MASP1: variants seen among roughly 807,000 people sequenced by gnomAD.
MASP1 encodes the protein mannan-binding lectin serine protease 1.
MASP1 carries 59 observed loss-of-function variants against 77.1 expected under a neutral mutation model. The ratio of observed to expected loss-of-function variants is 0.77; its 90% confidence interval spans 0.62 to 0.95. The LOEUF is 0.95. Ranked by LOEUF, MASP1 falls within the 40% of genes least tolerant of loss-of-function variation. The pLI is 0.00. For synonymous variants in MASP1, 362 were observed against 354.5 expected, an observed-to-expected ratio of 1.02 and a Z score of -0.24; for missense variants, 885 against 912.9, an observed-to-expected ratio of 0.97 and a Z score of 0.39.
At chr3:187,229,873 C>T (rs754485637), downstream of MASP1, 41 of 1,613,926 alleles carry the variant, frequency 2.5e-5, no homozygotes, top group East Asian at 3.3e-4. Context: ...CATCAGCTTC[C>T]GGGAGAACTT....
exon 16 of MASP1, chr3:187,220,231 C>A: frequency 6.2e-7 from 1 of 1,614,134 alleles, no homozygotes; most frequent in Non-Finnish European, 8.5e-7. Context: ...CATGGGGCCT[C>A]CAGAGTCACC....
chr3:187,246,938 C>T (rs1714132711), intron 8 of MASP1: 2 of 1,073,964 alleles, frequency 1.9e-6, no homozygotes, highest in Admixed American at 4.8e-5. Flanking sequence ...TTCATTTAAA[C>T]TTGACATGTA....
intron 8 of MASP1, among the ~76,000 whole-genome samples, chr3:187,245,902 C>A (rs1289555069): frequency 1.3e-5 from 2 of 152,222 alleles, no homozygotes. Context: ...TCCAAGTGTG[C>A]TTTGCTGTAC....
At position 187,288,317 on chromosome 3, in the gene MASP1, G is replaced by A. The variant is rs191980601; in HGVS notation, c.6-2261C>T. ...AGCTGAGTCAAAAAACCAGGTGGCAGGGCCCAGGCATCCCATTTTCAAGTG... is the reference window on the plus strand; with the variant it reads ...AGCTGAGTCAAAAAACCAGGTGGCAAGGCCCAGGCATCCCATTTTCAAGTG... On this transcript the variant is annotated intron_variant, in intron 1 of 10. Coordinates refer to ENST00000296280, the MANE Select transcript of MASP1 (RefSeq NM_139125.4). Among the ~76,000 whole-genome samples, 698 of 152,304 alleles carry A rather than the reference G, an allele frequency of 4.6e-3. 22 individuals are homozygous for A. Among genetic ancestry groups the A allele is most frequent in the Admixed American group, 0.044 (676 of 15,296 alleles).
chr3:187,230,987 A>G (rs1712734496), downstream of MASP1, among the ~76,000 whole-genome samples: 1 of 152,186 alleles, frequency 6.6e-6, no homozygotes, highest in South Asian at 2.1e-4. Flanking sequence ...TCACAGATAA[A>G]TGCTCTGCAT....
chr3:187,271,835 T>C (rs1716550071), intron 2 of MASP1, among the ~76,000 whole-genome samples: 1 of 152,126 alleles, frequency 6.6e-6, no homozygotes, highest in Non-Finnish European at 1.5e-5. Context: ...TCCCCCCTTG[T>C]CTTCCCTTCA....
chr3:187,239,374 T>C (rs903107844), intron 10 of MASP1, among the ~76,000 whole-genome samples: 1 of 152,028 alleles, frequency 6.6e-6, no homozygotes, highest in Admixed American at 6.6e-5. Flanking sequence ...CAGAATATCA[T>C]AGGTCTCTTG....
Position 187,289,572 on chromosome 3 carries a change from T to A in MASP1, c.5+2056A>T, listed in dbSNP as rs188537392. Among the ~76,000 whole-genome samples the A allele has an allele frequency of 6.6e-4, 101 of 152,276 alleles. 1 individual carries two copies. The highest frequency in any genetic ancestry group is 2.2e-3 in the African/African-American group (90 of 41,536). On this transcript the variant is annotated intron_variant, in intron 1 of 10. Coordinates refer to ENST00000296280, the MANE Select transcript of MASP1 (RefSeq NM_139125.4). ...AAAACCCATGGCTTTACGTAAAAAATTTAAAAATATTAATGCCAAAGTCCC... is the reference window on the plus strand; with the variant it reads ...AAAACCCATGGCTTTACGTAAAAAAATTAAAAATATTAATGCCAAAGTCCC...
At chr3:187,242,057 T>C (rs1334388687) in intron 9 of MASP1, 1 of 172,260 alleles carries the variant, frequency 5.8e-6, no homozygotes, top group Non-Finnish European at 1.2e-5. Context: ...TCCGCCTCAC[T>C]TGTCACAAAG....
At chr3:187,273,379 A>C (rs962046125) in intron 2 of MASP1, among the ~76,000 whole-genome samples, 2 of 152,108 alleles carry the variant, frequency 1.3e-5, no homozygotes, top group African/African-American at 4.8e-5. Flanking sequence ...TCAAAAGGGT[A>C]CTCTTAAGTT....
In MASP1 at chr3:187,241,561, T is replaced by C; in HGVS notation, c.1229-6A>G. On this transcript the variant is annotated splice_region_variant and splice_polypyrimidine_tract_variant and intron_variant, in intron 9 of 10. Transcript: ENST00000296280. ...GGCAGAACAGGTATATATACCTGGA[T>C]TAGTGAAAGAGGTTAGGAGAGGAGG... 6.3e-7 allele frequency: 1 copy of C among 1,593,460 alleles called. No individual in the cohort carries two copies. Among genetic ancestry groups the C allele is most frequent in the Non-Finnish European group, 8.6e-7 (1 of 1,161,216 alleles).
chr3:187,279,933 G>A (rs916031564), intron 2 of MASP1, among the ~76,000 whole-genome samples: 1 of 152,134 alleles, frequency 6.6e-6, no homozygotes, highest in Non-Finnish European at 1.5e-5. Flanking sequence ...ATTCCTTGAG[G>A]ACTTTATAGT....
exon 16 of MASP1, chr3:187,218,044 A>G (rs1452567289): frequency 6.6e-6 from 1 of 152,304 alleles, no homozygotes; most frequent in East Asian, 1.9e-4. Context: ...TTCTCCCTCC[A>G]TGTGGAAGGC....
intron 8 of MASP1, chr3:187,247,286 G>C: frequency 6.2e-7 from 1 of 1,613,992 alleles, no homozygotes; most frequent in Non-Finnish European, 8.5e-7. Flanking sequence ...CAGGGGTCTT[G>C]GGAGTGATCC....
chr3:187,238,264 G>C (rs946226851), intron 10 of MASP1, among the ~76,000 whole-genome samples: 4 of 152,216 alleles, frequency 2.6e-5, no homozygotes, highest in Non-Finnish European at 4.4e-5. Flanking sequence ...TTGGAGAACA[G>C]CTAATTTACA....
intron 1 of MASP1, among the ~76,000 whole-genome samples, chr3:187,290,826 A>G (rs1353903161): frequency 6.6e-6 from 1 of 151,864 alleles, no homozygotes; most frequent in Non-Finnish European, 1.5e-5. Flanking sequence ...TTAACTAATA[A>G]AAATAACTAG....
intron 1 of MASP1, among the ~76,000 whole-genome samples, chr3:187,286,795 G>T (rs548562302): frequency 2.1e-4 from 32 of 152,312 alleles, no homozygotes; most frequent in South Asian, 8.3e-4. Flanking sequence ...CTAACAGACC[G>T]ATTCCCCTGT....
At chr3:187,279,863 T>C (rs1208354404) in intron 2 of MASP1, among the ~76,000 whole-genome samples, 1 of 152,244 alleles carries the variant, frequency 6.6e-6, no homozygotes, top group African/African-American at 2.4e-5. Flanking sequence ...CTGATAACCC[T>C]TGTGTTACTT....
chr3:187,270,315 A>G (rs1041110186), intron 2 of MASP1, among the ~76,000 whole-genome samples: 1 of 152,170 alleles, frequency 6.6e-6, no homozygotes, highest in South Asian at 2.1e-4. Flanking sequence ...TCTTTGCTGA[A>G]TCAGTGCAGC....
Sources: gnomAD v4.1 joint callset for allele counts (sites outside exome capture counted in the v4.1 genomes callset) on GRCh38, gnomAD v4.1.1 for gene constraint, MANE v1.5 for transcripts, NCBI Gene and HGNC (gene_info 2026-07-23, HGNC 2026-07-21) for gene names.